Variants in FAM13A observed in about 807,000 individuals in gnomAD.
FAM13A encodes the protein family with sequence similarity 13 member A, also known as protein FAM13A.
In FAM13A, 76 loss-of-function variants were observed where a neutral mutation model predicts 129.6. The observed-to-expected ratio is 0.59, with a 90% CI of 0.49 to 0.71. The LOEUF (loss-of-function observed/expected upper bound fraction) is 0.71, where lower values mean the gene tolerates loss of function less well. FAM13A is among the 30% of genes least tolerant of loss of function. FAM13A has a pLI of 0.00. For synonymous variants in FAM13A, 443 were observed against 449.9 expected (o/e 0.98, Z 0.20); for missense variants, 1,108 against 1,249.3 (o/e 0.89, Z 1.70).
At chr4:88,949,631 A>C (rs1002332324) in intron 4 of FAM13A, among the ~76,000 whole-genome samples, 3 of 152,214 alleles carry the variant, frequency 2.0e-5, no homozygotes, top group African/African-American at 7.2e-5. Context: ...AGATTTTTTC[A>C]AAAGATAACA....
intron 3 of FAM13A, among the ~76,000 whole-genome samples, chr4:89,002,239 G>A (rs1358060969): frequency 6.6e-6 from 1 of 150,934 alleles, no homozygotes; most frequent in Admixed American, 6.6e-5. Flanking sequence ...AAAGACATTT[G>A]GAAGTGGATG....
chr4:89,055,255 T>C (rs908311833), intron 1 of FAM13A, among the ~76,000 whole-genome samples: 1 of 152,196 alleles, frequency 6.6e-6, no homozygotes, highest in Non-Finnish European at 1.5e-5. Context: ...CCAAAAGCTA[T>C]CTTTTTCCAG....
chr4:88,736,481 TCA>T (rs1193759593), intron 21 of FAM13A: 1 of 152,178 alleles, frequency 6.6e-6, no homozygotes, highest in Non-Finnish European at 1.5e-5. Context: ...CTCGGAACTA[TCA>T]CAGAAATATG....
intron 5 of FAM13A, among the ~76,000 whole-genome samples, chr4:88,911,999 C>T (rs929866993): frequency 1.3e-5 from 2 of 152,308 alleles, no homozygotes; most frequent in Admixed American, 6.5e-5. Flanking sequence ...GCTCAGCCTC[C>T]GTCTTACTCT....
chr4:88,835,075 T>C (rs1734588683), intron 7 of FAM13A, among the ~76,000 whole-genome samples: 1 of 152,222 alleles, frequency 6.6e-6, no homozygotes, highest in African/African-American at 2.4e-5. Context: ...TGATTGCTTT[T>C]CATAGCCTAC....
intron 6 of FAM13A, among the ~76,000 whole-genome samples, chr4:88,852,461 C>T (rs1016179954): frequency 2.6e-5 from 4 of 152,148 alleles, no homozygotes; most frequent in African/African-American, 9.7e-5. Context: ...GGCGCCTGGA[C>T]TTAACTTCAG....
chr4:89,000,598 A>C (rs376383114), intron 3 of FAM13A, among the ~76,000 whole-genome samples: 1 of 152,144 alleles, frequency 6.6e-6, no homozygotes, highest in East Asian at 1.9e-4. Flanking sequence ...TTTGAAAGTT[A>C]GATAATGGTG....
At chr4:88,826,447 C>T (rs781672780) in intron 7 of FAM13A, among the ~76,000 whole-genome samples, 8 of 152,058 alleles carry the variant, frequency 5.3e-5, no homozygotes, top group African/African-American at 1.4e-4. Context: ...AGAGTGCTAA[C>T]GATTGCAAAA....
intron 6 of FAM13A, chr4:88,855,832 C>G (rs758626120): frequency 7.2e-5 from 11 of 152,046 alleles, no homozygotes; most frequent in Non-Finnish European, 1.3e-4. Flanking sequence ...CATCATAGAA[C>G]TGTGATGATA....
intron 6 of FAM13A, among the ~76,000 whole-genome samples, chr4:88,877,445 A>T (rs1377655767): frequency 1.3e-5 from 2 of 152,220 alleles, no homozygotes; most frequent in Non-Finnish European, 2.9e-5. Context: ...CATTATTATT[A>T]TGAAGCCTGA....
intron 7 of FAM13A, among the ~76,000 whole-genome samples, chr4:88,806,494 C>A (rs1390095088): frequency 3.3e-5 from 5 of 152,168 alleles, no homozygotes; most frequent in Admixed American, 6.5e-5. Flanking sequence ...CACACACAAG[C>A]AAACAAAATC....
chr4:88,771,605 AC>A (rs1175181650), intron 11 of FAM13A, among the ~76,000 whole-genome samples: 1 of 152,184 alleles, frequency 6.6e-6, no homozygotes, highest in East Asian at 1.9e-4. Context: ...TATTGCATTA[AC>A]TTTTATTTTA....
intron 6 of FAM13A, among the ~76,000 whole-genome samples, chr4:88,871,455 C>A (rs1741374352): frequency 6.6e-6 from 1 of 152,090 alleles, no homozygotes; most frequent in South Asian, 2.1e-4. Context: ...CCTTAAAGGA[C>A]CTGATGGAGC....
chr4:88,892,173 C>CTT lies in FAM13A; in HGVS notation c.843+14204_843+14205dup, dbSNP rs1183640454. On this transcript the variant is annotated intron_variant, in intron 6 of 23. Transcript: ENST00000264344. ...TGGGCCAGACAGAGCAAGATCCTGT[C>CTT]TTTTTTTTTTTTTTTTTTTTTTTTG... Among the ~76,000 whole-genome samples the CTT allele has an allele frequency of 2.5e-3, 172 of 67,922 alleles. 2 individuals are homozygous for CTT. Among genetic ancestry groups the CTT allele is most frequent in the African/African-American group, 5.6e-3 (91 of 16,252 alleles). The allele number at this position is 67,922 out of a possible 152,430, so 44.6% of individuals were successfully genotyped here.
At chr4:88,889,085 A>G (rs1290759001) in intron 6 of FAM13A, among the ~76,000 whole-genome samples, 3 of 152,234 alleles carry the variant, frequency 2.0e-5, no homozygotes, top group Non-Finnish European at 4.4e-5. Context: ...CAGCAGCCAG[A>G]AAGAAAACAG....
At chr4:89,025,042 A>C (rs1309771158) in intron 2 of FAM13A, among the ~76,000 whole-genome samples, 1 of 152,180 alleles carries the variant, frequency 6.6e-6, no homozygotes, top group African/African-American at 2.4e-5. Flanking sequence ...GGAGGGGCAG[A>C]AGAAAATCAA....
At chr4:88,932,145 A>G (rs1297402247) in intron 5 of FAM13A, among the ~76,000 whole-genome samples, 1 of 152,218 alleles carries the variant, frequency 6.6e-6, no homozygotes, top group Non-Finnish European at 1.5e-5. Context: ...AGCTCATGGC[A>G]CTGATGGCCT....
intron 1 of FAM13A, among the ~76,000 whole-genome samples, chr4:89,032,941 T>C (rs1768898119): frequency 6.6e-6 from 1 of 152,228 alleles, no homozygotes; most frequent in Non-Finnish European, 1.5e-5. Flanking sequence ...TCTAGTGCTC[T>C]AACAAGATGG....
intron 6 of FAM13A, among the ~76,000 whole-genome samples, chr4:88,882,756 C>T (rs1011458444): frequency 5.9e-5 from 9 of 152,140 alleles, no homozygotes; most frequent in Non-Finnish European, 1.3e-4. Flanking sequence ...CAACTATCTG[C>T]TATCTTCAAG....
Sources: allele counts gnomAD v4.1 joint callset (sites outside exome capture counted in the v4.1 genomes callset), GRCh38; gene constraint gnomAD v4.1.1; transcripts MANE v1.5; gene names NCBI Gene and HGNC (gene_info 2026-07-23, HGNC 2026-07-21).